The following GBE1 variants were observed in gnomAD, a reference collection of about 807,000 sequenced individuals.
GBE1 encodes the protein 1,4-alpha-glucan-branching enzyme.
A neutral mutation model predicts 88.8 loss-of-function variants in GBE1; 70 were observed. That is an observed-to-expected ratio of 0.79 (90% CI 0.65 to 0.96). The LOEUF is 0.96. Ranked by LOEUF, GBE1 falls within the 40% of genes least tolerant of loss-of-function variation. GBE1 has a pLI of 0.00. For synonymous variants in GBE1, 284 were observed against 300.1 expected, an observed-to-expected ratio of 0.95 and a Z score of 0.56; for missense variants, 872 against 871.0, an observed-to-expected ratio of 1.00 and a Z score of -0.01.
intron 12 of GBE1, among the ~76,000 whole-genome samples, chr3:81,546,405 A>C (rs1703205491): frequency 6.6e-6 from 1 of 152,086 alleles, no homozygotes; most frequent in Admixed American, 6.6e-5. Flanking sequence ...AACCACAGCA[A>C]CTCCATCTTG....
intron 14 of GBE1, among the ~76,000 whole-genome samples, chr3:81,507,032 A>G (rs1312885391): frequency 6.6e-6 from 1 of 152,144 alleles, no homozygotes; most frequent in African/African-American, 2.4e-5. Context: ...AAGTTTACCT[A>G]TATGACAAAC....
At chr3:81,574,353 G>C (rs1703616674) in intron 12 of GBE1, among the ~76,000 whole-genome samples, 1 of 152,050 alleles carries the variant, frequency 6.6e-6, no homozygotes, top group African/African-American at 2.4e-5. Context: ...CAAATACTTT[G>C]TGTTTTATAT....
intron 6 of GBE1, among the ~76,000 whole-genome samples, chr3:81,643,296 CTG>C (rs1316159771): frequency 2.0e-5 from 3 of 152,124 alleles, no homozygotes; most frequent in Non-Finnish European, 4.4e-5. Context: ...TGATTTCCAC[CTG>C]AAGCAAGTCA....
At chr3:81,671,506 G>C (rs1456493446) in intron 2 of GBE1, among the ~76,000 whole-genome samples, 1 of 152,038 alleles carries the variant, frequency 6.6e-6, no homozygotes, top group Non-Finnish European at 1.5e-5. Context: ...ACCAACAAGA[G>C]CAGACTCACA....
At chr3:81,606,955 C>A (rs1704111225) in intron 7 of GBE1, among the ~76,000 whole-genome samples, 1 of 152,056 alleles carries the variant, frequency 6.6e-6, no homozygotes, top group African/African-American at 2.4e-5. Context: ...TTGCTGTATT[C>A]CCAGAGCCTA....
At chr3:81,759,628 A>G (rs570091813) in intron 1 of GBE1, among the ~76,000 whole-genome samples, 2 of 152,350 alleles carry the variant, frequency 1.3e-5, no homozygotes, top group East Asian at 3.9e-4. Context: ...CAAGGACAAA[A>G]GTAAAATCCG....
chr3:81,520,462 T>A (rs890002750), intron 14 of GBE1, among the ~76,000 whole-genome samples: 2 of 151,588 alleles, frequency 1.3e-5, no homozygotes, highest in East Asian at 3.9e-4. Flanking sequence ...TATAATCATT[T>A]GTATTGTTCA....
chr3:81,600,607 A>C (rs1280574257), intron 7 of GBE1, among the ~76,000 whole-genome samples: 4 of 152,162 alleles, frequency 2.6e-5, no homozygotes, highest in Non-Finnish European at 5.9e-5. Flanking sequence ...GTCTGAAACA[A>C]TTATTTTACA....
intron 1 of GBE1, among the ~76,000 whole-genome samples, chr3:81,746,510 C>T (rs1459475896): frequency 6.6e-6 from 1 of 152,156 alleles, no homozygotes; most frequent in Non-Finnish European, 1.5e-5. Flanking sequence ...GTCCAACCAC[C>T]TCAGCCTCCC....
chr3:81,573,078 C>T (rs1703596366), intron 12 of GBE1, among the ~76,000 whole-genome samples: 1 of 151,318 alleles, frequency 6.6e-6, no homozygotes. Context: ...GCATACTTAG[C>T]CAATGATTAT....
At chr3:81,739,765 C>T (rs1187813623) in intron 1 of GBE1, among the ~76,000 whole-genome samples, 4 of 152,056 alleles carry the variant, frequency 2.6e-5, no homozygotes, top group Non-Finnish European at 4.4e-5. Context: ...TTTACCTTGG[C>T]TTATCATCCT....
intron 3 of GBE1, among the ~76,000 whole-genome samples, chr3:81,659,418 C>T (rs1325172041): frequency 6.6e-6 from 1 of 151,654 alleles, no homozygotes; most frequent in African/African-American, 2.4e-5. Flanking sequence ...TCACTGCAAC[C>T]TCCACCTCCC....
intron 1 of GBE1, among the ~76,000 whole-genome samples, chr3:81,706,471 T>G (rs1378494850): frequency 6.6e-6 from 1 of 152,146 alleles, no homozygotes; most frequent in African/African-American, 2.4e-5. Flanking sequence ...TTGGTAAAAC[T>G]GGAGAAGTAA....
rs776287786 is a variant in GBE1 at position 81,535,343 on chromosome 3, CAT to C, written c.1804-20_1804-19del. ...ACGTAGGCCTGCAAGAATTAGCACA[CAT>C]GTTACATTTAAATAATACCTAGATG... On this transcript the variant is annotated intron_variant, in intron 13 of 15. Coordinates refer to ENST00000429644, the MANE Select transcript of GBE1 (RefSeq NM_000158.4). 51 of 1,586,030 alleles carry C rather than the reference CAT, an allele frequency of 3.2e-5. No individual in the cohort carries two copies. Among genetic ancestry groups the C allele is most frequent in the Admixed American group, 3.7e-5 (2 of 53,684 alleles).
intron 1 of GBE1, among the ~76,000 whole-genome samples, chr3:81,737,338 T>A (rs1255718799): frequency 1.6e-5 from 1 of 60,926 alleles, no homozygotes; most frequent in African/African-American, 5.7e-5. Flanking sequence ...TATTTTTATA[T>A]ATATTTATAT....
chr3:81,714,855 A>G (rs772682669), intron 1 of GBE1, among the ~76,000 whole-genome samples: 3 of 152,150 alleles, frequency 2.0e-5, no homozygotes, highest in Non-Finnish European at 2.9e-5. Flanking sequence ...TTCTCATTGT[A>G]TCCTGACATG....
At chr3:81,757,866 G>A (rs1163596523) in intron 1 of GBE1, among the ~76,000 whole-genome samples, 2 of 152,144 alleles carry the variant, frequency 1.3e-5, no homozygotes, top group Non-Finnish European at 2.9e-5. Flanking sequence ...TCCATGGGAT[G>A]GATGAGAATG....
chr3:81,559,060 A>T (rs953304176), intron 12 of GBE1, among the ~76,000 whole-genome samples: 5 of 151,868 alleles, frequency 3.3e-5, no homozygotes, highest in East Asian at 3.9e-4. Context: ...GTCATAGAAA[A>T]TTTTTTTTCA....
intron 12 of GBE1, among the ~76,000 whole-genome samples, chr3:81,574,686 C>G (rs548373973): frequency 8.5e-5 from 13 of 152,266 alleles, no homozygotes; most frequent in Admixed American, 3.9e-4. Flanking sequence ...GTTGTGCAAA[C>G]TGAGGCATGT....
Sources: allele counts gnomAD v4.1 joint callset (sites outside exome capture counted in the v4.1 genomes callset), GRCh38; gene constraint gnomAD v4.1.1; transcripts MANE v1.5; gene names NCBI Gene and HGNC (gene_info 2026-07-23, HGNC 2026-07-21).